PCDHGA1: variants seen among roughly 807,000 people sequenced by gnomAD.
PCDHGA1 encodes the protein protocadherin gamma subfamily A, 1, also known as protocadherin gamma-A1.
A neutral mutation model predicts 58.0 loss-of-function variants in PCDHGA1; 32 were observed. That is an observed-to-expected ratio of 0.55 (90% CI 0.42 to 0.74). PCDHGA1 has a LOEUF of 0.74. Ranked by LOEUF, PCDHGA1 falls within the 30% of genes least tolerant of loss-of-function variation. PCDHGA1 has a pLI of 0.00. For missense variants in PCDHGA1, 1,205 were observed against 1,182.3 expected, an observed-to-expected ratio of 1.02 and a Z score of -0.28; for synonymous variants, 498 against 501.1, an observed-to-expected ratio of 0.99 and a Z score of 0.08.
In PCDHGA1 at chr5:141,476,928, T is replaced by C. The variant is rs1279715094; in HGVS notation, c.2422-17879T>C. 6.2e-7 allele frequency: 1 copy of C among 1,614,142 alleles called. No individual in the cohort carries two copies. The highest frequency in any genetic ancestry group is 2.2e-5 in the East Asian group (1 of 44,868). On this transcript the variant is annotated intron_variant, in intron 1 of 3. Transcript: ENST00000517417. This position sits in a 1 kb window ranked among gnomAD's most constrained non-coding sequence, Gnocchi z 7.6. ...GTGGTACAAGTCCTTGCAACGGATC[T>C]GGATGAAGGCCCCAACGGTGAAATT...
In PCDHGA1 at chr5:141,388,651, A is replaced by G. The variant is rs186708822; in HGVS notation, c.2421+55546A>G. ...AGGGTGAGCCTTTCAGAAAACGTGT[A>G]CCCGGGGACCACGGTGCTACAGGTG... On this transcript the variant is annotated intron_variant, in intron 1 of 3. Transcript: ENST00000517417. 300 of 1,613,838 alleles carry G rather than the reference A, an allele frequency of 1.9e-4. 1 individual carries two copies. Among genetic ancestry groups the G allele is most frequent in the Admixed American group, 9.7e-4 (58 of 60,020 alleles).
At chr5:141,357,546 G>A in intron 1 of PCDHGA1, 2 of 1,614,182 alleles carry the variant, frequency 1.2e-6, no homozygotes, top group Non-Finnish European at 1.7e-6. Context: ...TCATCAGCCG[G>A]GAGAGTTGTG....
At position 141,511,520 on chromosome 5, in the gene PCDHGA1, A is replaced by C; in HGVS notation, c.*347A>C. On this transcript the variant is annotated 3_prime_UTR_variant, in exon 4 of 4. Coordinates refer to ENST00000517417, the MANE Select transcript of PCDHGA1 (RefSeq NM_018912.3). Reference sequence around the variant, plus strand: ...CAAATCAATCAGGCCCATCCATCCCATGCCTCCCTCCTCCCCACCCCACTC... The same window carrying C: ...CAAATCAATCAGGCCCATCCATCCCCTGCCTCCCTCCTCCCCACCCCACTC... The C allele has an allele frequency of 2.8e-6, 1 of 358,498 alleles. No homozygotes were observed. Among genetic ancestry groups the C allele is most frequent in the Non-Finnish European group, 5.3e-6 (1 of 189,848 alleles). 22.2% of individuals were successfully genotyped at this position (358,498 alleles called of 1,614,324 possible).
chr5:141,331,980 A>G lies in PCDHGA1; in HGVS notation c.1296A>G (p.Leu432=), dbSNP rs114498220. The G allele has an allele frequency of 5.0e-6, 8 of 1,614,152 alleles. No individual in the cohort carries two copies. Among genetic ancestry groups the G allele is most frequent in the East Asian group, 2.2e-5 (1 of 44,880 alleles). The part of the protein sequence containing the change: ...ITAIDQGTPA[L]STETHISLLV... ...CAATAGACCAAGGAACTCCAGCTCT[A>G]TCTACTGAAACTCACATTTCACTAC... Residue 432 remains leucine (L), a synonymous_variant, in exon 1 of 4, where the codon CTA becomes CTG. Coordinates refer to ENST00000517417, the MANE Select transcript of PCDHGA1 (RefSeq NM_018912.3).
chr5:141,377,024 G>A (rs944242934), intron 1 of PCDHGA1: 5 of 154,950 alleles, frequency 3.2e-5, no homozygotes, highest in African/African-American at 1.2e-4. Context: ...GAAAATTCAA[G>A]ATTGTCTTTG....
chr5:141,450,210 G>T (rs2098673599), intron 1 of PCDHGA1, among the ~76,000 whole-genome samples: 1 of 151,786 alleles, frequency 6.6e-6, no homozygotes. Flanking sequence ...TAGAGACAAG[G>T]TTTCACTATG....
At position 141,477,226 on chromosome 5, in the gene PCDHGA1, C is replaced by G. The variant is rs779570150; in HGVS notation, c.2422-17581C>G. 59 of 1,614,076 alleles carry G rather than the reference C, an allele frequency of 3.7e-5. No homozygotes were observed. The highest frequency in any genetic ancestry group is 1.3e-4 in the Admixed American group (8 of 60,004). On this transcript the variant is annotated intron_variant, in intron 1 of 3. Coordinates refer to ENST00000517417, the MANE Select transcript of PCDHGA1 (RefSeq NM_018912.3). This position sits in a 1 kb window ranked among gnomAD's most constrained non-coding sequence, Gnocchi z 4.9. ...CCGAGGATGCCCCTCTGGGGACTGT[C>G]ATCGCTTTGCTCAGTGTGACTGACC...
intron 1 of PCDHGA1, chr5:141,430,537 A>T (rs1270804825): frequency 7.8e-6 from 3 of 385,890 alleles, no homozygotes; most frequent in African/African-American, 2.1e-5. Flanking sequence ...TAGGACTCTG[A>T]GCGCCGCTGT....
chr5:141,422,011 G>T (rs200879435), intron 1 of PCDHGA1: 2 of 1,610,252 alleles, frequency 1.2e-6, no homozygotes, highest in East Asian at 2.2e-5. Flanking sequence ...CGGAACTCGG[G>T]TGCTGATGGT....
rs2099403992 is a variant in PCDHGA1, at chr5:141,477,030, C to T, written c.2422-17777C>T. On this transcript the variant is annotated intron_variant, in intron 1 of 3. Transcript: ENST00000517417. This position sits in a 1 kb window ranked among gnomAD's most constrained non-coding sequence, Gnocchi z 4.9. ...TTAGACCTTGTAACCGGGATGCTGACAATCAAGGGTCGGCTGGACTTCGAG... is the reference window on the plus strand; with the variant it reads ...TTAGACCTTGTAACCGGGATGCTGATAATCAAGGGTCGGCTGGACTTCGAG... The T allele has an allele frequency of 1.2e-6, 2 of 1,614,272 alleles. No homozygotes were observed. The highest frequency in any genetic ancestry group is 1.6e-4 in the Middle Eastern group (1 of 6,062).
intron 1 of PCDHGA1, among the ~76,000 whole-genome samples, chr5:141,453,176 C>T (rs1225418058): frequency 6.6e-6 from 1 of 152,042 alleles, no homozygotes; most frequent in Non-Finnish European, 1.5e-5. Flanking sequence ...TCCAGTGGTA[C>T]AATCACAGCT....
At chr5:141,339,740 G>T in intron 1 of PCDHGA1, 2 of 1,614,074 alleles carry the variant, frequency 1.2e-6, no homozygotes, top group Middle Eastern at 1.6e-4. Context: ...GAATACGCTC[G>T]TGGGCACCCG....
At chr5:141,421,316 G>A in intron 1 of PCDHGA1, 1 of 1,613,866 alleles carries the variant, frequency 6.2e-7, no homozygotes, top group Non-Finnish European at 8.5e-7. Flanking sequence ...TTCCGGGCCA[G>A]GCAGATCCGA....
chr5:141,372,767 T>C, intron 1 of PCDHGA1: 1 of 1,612,184 alleles, frequency 6.2e-7, no homozygotes, highest in Non-Finnish European at 8.5e-7. Flanking sequence ...TTGAAAGTAA[T>C]GACAATCCAG....
intron 1 of PCDHGA1, chr5:141,419,658 A>C: frequency 1.9e-6 from 3 of 1,612,782 alleles, no homozygotes; most frequent in Non-Finnish European, 2.5e-6. Context: ...GACTCGGGGC[A>C]CAATGCCTGG....
At chr5:141,497,101 G>A (rs1465038195) in intron 2 of PCDHGA1, among the ~76,000 whole-genome samples, 1 of 152,042 alleles carries the variant, frequency 6.6e-6, no homozygotes, top group African/African-American at 2.4e-5. Flanking sequence ...AGGCAGAACT[G>A]CTTGAACCCG....
intron 1 of PCDHGA1, chr5:141,418,454 ACTCTG>A (rs2096260396): frequency 3.1e-6 from 5 of 1,613,892 alleles, no homozygotes; most frequent in Non-Finnish European, 4.2e-6. Context: ...ATTGCAGAAG[ACTCTG>A]GACCGAGAAA....
chr5:141,444,762 T>A (rs767523211), intron 1 of PCDHGA1, among the ~76,000 whole-genome samples: 2 of 152,248 alleles, frequency 1.3e-5, no homozygotes, highest in Non-Finnish European at 2.9e-5. Flanking sequence ...TAGTTCTATT[T>A]CTATATTCTT....
Position 141,376,684 on chromosome 5 carries a change from T to G in PCDHGA1, c.2421+43579T>G, listed in dbSNP as rs574993154. 1.2e-3 allele frequency: 1,011 copies of G among 809,238 alleles called. 6 individuals carry two copies. Among genetic ancestry groups the G allele is most frequent in the Non-Finnish European group, 1.3e-3 (680 of 543,972 alleles). The allele number at this position is 809,238 out of a possible 1,614,324, so 50.1% of individuals were successfully genotyped here. On this transcript the variant is annotated intron_variant, in intron 1 of 3. Coordinates refer to ENST00000517417, the MANE Select transcript of PCDHGA1 (RefSeq NM_018912.3). ...GTTCAGGTGAGGGTATCGTTTTTTT[T>G]TTTTTTTTTTTTTGAGACGGAGTCT...
Sources: gnomAD v4.1 joint callset for allele counts (sites outside exome capture counted in the v4.1 genomes callset) on GRCh38, gnomAD v4.1.1 for gene constraint, Gnocchi (gnomAD v3.1) non-coding constraint, MANE v1.5 for transcripts, NCBI Gene and HGNC (gene_info 2026-07-23, HGNC 2026-07-21) for gene names.